Variants in RAPGEF4 observed in about 807,000 individuals in gnomAD.
RAPGEF4 encodes Rap guanine nucleotide exchange factor 4.
In RAPGEF4, 66 loss-of-function variants were observed where a neutral mutation model predicts 147.9. That is an observed-to-expected ratio of 0.45 (90% CI 0.37 to 0.55). RAPGEF4 has a LOEUF of 0.55. Ranked by LOEUF, RAPGEF4 falls within the 20% of genes least tolerant of loss-of-function variation. RAPGEF4 has a pLI of 0.00. For synonymous variants in RAPGEF4, 419 were observed against 442.7 expected (o/e 0.95, Z 0.67); for missense variants, 1,071 against 1,257.3 (o/e 0.85, Z 2.24).
chr2:172,943,258 G>T (rs1339269498), intron 6 of RAPGEF4, among the ~76,000 whole-genome samples: 1 of 152,140 alleles, frequency 6.6e-6, no homozygotes, highest in African/African-American at 2.4e-5. Flanking sequence ...CTAGAAGAAT[G>T]GGGAGGCACT....
chr2:172,765,772 G>A (rs1160830521), intron 1 of RAPGEF4, among the ~76,000 whole-genome samples: 1 of 152,240 alleles, frequency 6.6e-6, no homozygotes, highest in African/African-American at 2.4e-5. Context: ...CTGGTGCTGG[G>A]TTCCCCTCTC....
chr2:172,833,598 C>T (rs1474630397), intron 4 of RAPGEF4, among the ~76,000 whole-genome samples: 1 of 152,126 alleles, frequency 6.6e-6, no homozygotes, highest in Non-Finnish European at 1.5e-5. Flanking sequence ...GGCTGGTTCA[C>T]ATCTTTTGTT....
At chr2:172,809,156 G>T (rs1368446546) in intron 3 of RAPGEF4, among the ~76,000 whole-genome samples, 2 of 152,148 alleles carry the variant, frequency 1.3e-5, no homozygotes, top group African/African-American at 4.8e-5. Flanking sequence ...GGGCAGGAGG[G>T]GCAGAGGAAG....
At chr2:172,759,554 G>A (rs760677521) in intron 1 of RAPGEF4, among the ~76,000 whole-genome samples, 4 of 152,302 alleles carry the variant, frequency 2.6e-5, no homozygotes, top group African/African-American at 4.8e-5. Flanking sequence ...CATGCGAGCC[G>A]CTGTGAAACT....
chr2:173,013,817 T>C (rs1695249803), intron 17 of RAPGEF4, among the ~76,000 whole-genome samples: 1 of 152,128 alleles, frequency 6.6e-6, no homozygotes, highest in Non-Finnish European at 1.5e-5. Context: ...AAAGAGCCAG[T>C]AAGGTAAGTC....
chr2:173,036,447 T>G (rs1211741918), intron 28 of RAPGEF4, among the ~76,000 whole-genome samples, 181 bp from the exon 29 acceptor site: 1 of 152,220 alleles, frequency 6.6e-6, no homozygotes, highest in East Asian at 1.9e-4. Context: ...TTTAAAAATT[T>G]TACTACTCTC....
intron 6 of RAPGEF4, among the ~76,000 whole-genome samples, chr2:172,935,609 T>C (rs777310941): frequency 3.3e-5 from 5 of 152,260 alleles, no homozygotes; most frequent in Non-Finnish European, 5.9e-5. Flanking sequence ...GCCTTGTTTA[T>C]GAAGAAGTTG....
At chr2:172,875,677 A>T (rs565819300) in intron 4 of RAPGEF4, among the ~76,000 whole-genome samples, 1 of 152,326 alleles carries the variant, frequency 6.6e-6, no homozygotes, top group African/African-American at 2.4e-5. Flanking sequence ...GAAGTCAGGT[A>T]GCATGATGCC....
rs188916559 is a variant in RAPGEF4 at position 172,835,018 on chromosome 2, C to G, written c.444+20593C>G. Reference sequence around the variant, plus strand: ...GCTATGTAGGAGTTTTTGCCCCCCACTAGCTGACACCAGTACGTTACAGAG... The same window carrying G: ...GCTATGTAGGAGTTTTTGCCCCCCAGTAGCTGACACCAGTACGTTACAGAG... On this transcript the variant is annotated intron_variant, in intron 4 of 30. Transcript: ENST00000397081. 3.1e-3 allele frequency among the ~76,000 whole-genome samples: 472 copies of G among 152,338 alleles called. 2 individuals carry two copies. The highest frequency in any genetic ancestry group is 0.01 in the African/African-American group (431 of 41,582).
chr2:172,937,756 G>A (rs1332493626), intron 6 of RAPGEF4, among the ~76,000 whole-genome samples: 3 of 151,364 alleles, frequency 2.0e-5, no homozygotes, highest in Non-Finnish European at 4.4e-5. Flanking sequence ...ATTCCTCTGT[G>A]AGGGGGATTT....
At chr2:172,894,192 G>A (rs1238300796) in intron 4 of RAPGEF4, 1 of 152,262 alleles carries the variant, frequency 6.6e-6, no homozygotes, top group Non-Finnish European at 1.5e-5. Flanking sequence ...TTGCTCTAAG[G>A]AGCATGCTCA....
At chr2:172,796,461 T>A (rs1686377958) in intron 2 of RAPGEF4, among the ~76,000 whole-genome samples, 1 of 152,042 alleles carries the variant, frequency 6.6e-6, no homozygotes, top group Non-Finnish European at 1.5e-5. Context: ...GGCAGGCACC[T>A]ATAGTCCCAG....
chr2:172,870,434 G>C (rs1695112311), intron 4 of RAPGEF4, among the ~76,000 whole-genome samples: 1 of 152,092 alleles, frequency 6.6e-6, no homozygotes, highest in Non-Finnish European at 1.5e-5. Context: ...TGCTTCATGA[G>C]AGAGGGAAAA....
At chr2:172,843,575 C>T (rs1691850098) in intron 4 of RAPGEF4, among the ~76,000 whole-genome samples, 2 of 152,178 alleles carry the variant, frequency 1.3e-5, no homozygotes, top group South Asian at 4.1e-4. Flanking sequence ...CACTTTGAAA[C>T]CTAAACTGTT....
At chr2:172,790,381 A>T (rs1685680721) in intron 1 of RAPGEF4, among the ~76,000 whole-genome samples, 1 of 152,174 alleles carries the variant, frequency 6.6e-6, no homozygotes, top group Admixed American at 6.5e-5. Flanking sequence ...GAAAGTTTTT[A>T]AAAAGTCATT....
chr2:172,920,243 C>T (rs1240504399), intron 5 of RAPGEF4, among the ~76,000 whole-genome samples: 6 of 151,294 alleles, frequency 4.0e-5, no homozygotes, highest in Non-Finnish European at 8.8e-5. Flanking sequence ...CATTTTTTTT[C>T]TTCTAATCAC....
At chr2:172,935,571 C>G (rs1053660034) in intron 6 of RAPGEF4, among the ~76,000 whole-genome samples, 1 of 152,222 alleles carries the variant, frequency 6.6e-6, no homozygotes, top group African/African-American at 2.4e-5. Context: ...ATAATACAAT[C>G]AATATCTCAT....
At chr2:172,817,466 T>G (rs1688616799) in intron 4 of RAPGEF4, among the ~76,000 whole-genome samples, 1 of 152,202 alleles carries the variant, frequency 6.6e-6, no homozygotes, top group Non-Finnish European at 1.5e-5. Flanking sequence ...TGCTGATATC[T>G]GTTAGTAAAA....
chr2:172,978,908 A>G (rs974896969), intron 10 of RAPGEF4, among the ~76,000 whole-genome samples: 9 of 152,190 alleles, frequency 5.9e-5, no homozygotes, highest in Non-Finnish European at 1.3e-4. Flanking sequence ...TGGCAGACAA[A>G]AATCTGGCTA....
Sources: allele counts gnomAD v4.1 joint callset (sites outside exome capture counted in the v4.1 genomes callset), GRCh38; gene constraint gnomAD v4.1.1; transcripts MANE v1.5; gene names NCBI Gene and HGNC (gene_info 2026-07-23, HGNC 2026-07-21).